The following SLC25A37 variants were observed in gnomAD, a reference collection of about 807,000 sequenced individuals.
SLC25A37 encodes mitoferrin-1.
In SLC25A37, 17 loss-of-function variants were observed where a neutral mutation model predicts 31.0. The ratio of observed to expected loss-of-function variants is 0.55; its 90% CI spans 0.38 to 0.82. The LOEUF is 0.82. SLC25A37 is among the 40% of genes least tolerant of loss of function. SLC25A37 has a pLI of 0.00. For synonymous variants in SLC25A37, 222 were observed against 193.0 expected, an observed-to-expected ratio of 1.15 and a Z score of -1.24; for missense variants, 404 against 465.8, an observed-to-expected ratio of 0.87 and a Z score of 1.22.
chr8:23,542,520 C>G (rs1041670961), intron 1 of SLC25A37, among the ~76,000 whole-genome samples: 3 of 151,752 alleles, frequency 2.0e-5, no homozygotes, highest in African/African-American at 7.3e-5. Context: ...GCTGAGATTA[C>G]AGGCATGCAC....
At chr8:23,544,646 A>G (rs79445563) in intron 1 of SLC25A37, among the ~76,000 whole-genome samples, 1 of 152,158 alleles carries the variant, frequency 6.6e-6, no homozygotes, top group South Asian at 2.1e-4. Flanking sequence ...CAGTATCTCT[A>G]TCTAGACCTG....
intron 1 of SLC25A37, among the ~76,000 whole-genome samples, chr8:23,554,034 C>T (rs1456484606): frequency 2.3e-5 from 3 of 130,440 alleles, no homozygotes; most frequent in Admixed American, 7.5e-5. Context: ...GATCCTTTAG[C>T]GTCCATCCCT....
chr8:23,571,990 A>G lies in SLC25A37; in HGVS notation c.*135A>G. On this transcript the variant is annotated 3_prime_UTR_variant, in exon 4 of 4. Coordinates refer to ENST00000519973, the MANE Select transcript of SLC25A37 (RefSeq NM_016612.4). ...CCCTCTGCTCCCCAATGCCTTAGAGAGAGGAGGGGACGGCACGGCCGCTCA... is the reference window on the plus strand; with the variant it reads ...CCCTCTGCTCCCCAATGCCTTAGAGGGAGGAGGGGACGGCACGGCCGCTCA... 1 of 1,006,514 alleles carries G rather than the reference A, an allele frequency of 9.9e-7. No individual in the cohort carries two copies. Among genetic ancestry groups the G allele is most frequent in the Non-Finnish European group, 1.4e-6 (1 of 693,938 alleles). The allele number at this position is 1,006,514 out of a possible 1,614,324, so 62.3% of individuals were successfully genotyped here. A position where few individuals can be genotyped will look rare whatever the true frequency, so the allele number is the denominator to read the frequency against.
intron 1 of SLC25A37, among the ~76,000 whole-genome samples, chr8:23,562,338 G>A (rs1236138385): frequency 1.3e-5 from 2 of 152,160 alleles, no homozygotes; most frequent in Non-Finnish European, 2.9e-5. Flanking sequence ...TTGCATTGAT[G>A]TGAAAAGGTC....
intron 1 of SLC25A37, among the ~76,000 whole-genome samples, chr8:23,546,316 G>A (rs28366418): frequency 0.37 from 56,301 of 150,928 alleles, 12,058 homozygotes; most frequent in East Asian, 0.61. Flanking sequence ...ATATTAAAAT[G>A]AATAAATAAA....
intron 1 of SLC25A37, among the ~76,000 whole-genome samples, chr8:23,564,683 C>G (rs1802604140): frequency 6.6e-6 from 1 of 152,132 alleles, no homozygotes; most frequent in African/African-American, 2.4e-5. Context: ...TGTGTAAAGT[C>G]TACTTGGGTT....
intron 1 of SLC25A37, among the ~76,000 whole-genome samples, chr8:23,557,405 A>G (rs919197634): frequency 3.9e-5 from 6 of 152,194 alleles, no homozygotes; most frequent in African/African-American, 9.7e-5. Context: ...AAGGTGAGAC[A>G]GGGCTTTCCA....
At chr8:23,547,490 G>A (rs1445074339) in intron 1 of SLC25A37, among the ~76,000 whole-genome samples, 2 of 152,176 alleles carry the variant, frequency 1.3e-5, no homozygotes, top group Non-Finnish European at 1.5e-5. Flanking sequence ...TGTCAAGATT[G>A]AACTAACACT....
rs142151605 is a variant in SLC25A37 at position 23,568,500 on chromosome 8, A to C, written c.496+122A>C. The C allele has an allele frequency of 2.1e-4, 224 of 1,072,258 alleles. 1 individual carries two copies. The East Asian group carries it at 5.3e-3, about 25-fold the overall frequency. The allele number at this position is 1,072,258 out of a possible 1,614,324, so 66.4% of individuals were successfully genotyped here. A position where few individuals can be genotyped will look rare whatever the true frequency, so the allele number is the denominator to read the frequency against. The stretch of plus-strand genomic sequence containing the variant: ...GCGGCTCCTAGTCTCCAGTCAGAGC[A>C]GACAGGAGAATTGAATTTTTTACTA... On this transcript the variant is annotated intron_variant, in intron 3 of 3. Transcript: ENST00000519973.
chr8:23,573,208 C>G lies in SLC25A37; in HGVS notation c.*1353C>G, dbSNP rs1167980083. The G allele has an allele frequency of 1.3e-5, 2 of 152,528 alleles. No individual in the cohort carries two copies. Among genetic ancestry groups the G allele is most frequent in the African/African-American group, 4.8e-5 (2 of 41,440 alleles). The allele number at this position is 152,528 out of a possible 1,614,324, so 9.4% of individuals were successfully genotyped here. ...GACCCTCATGCCCGAGTCGGAAGAC[C>G]CCTCTCCAGAAGCCATTCTGCATCC... On this transcript the variant is annotated 3_prime_UTR_variant, in exon 4 of 4. Coordinates refer to ENST00000519973, the MANE Select transcript of SLC25A37 (RefSeq NM_016612.4).
intron 1 of SLC25A37, among the ~76,000 whole-genome samples, chr8:23,551,808 G>A (rs1158018155): frequency 6.6e-6 from 1 of 152,174 alleles, no homozygotes; most frequent in Non-Finnish European, 1.5e-5. Flanking sequence ...CTCCAAGCCT[G>A]TCCTTCCAGC....
In SLC25A37 at chr8:23,543,700, A is replaced by G. The variant is rs538694894; in HGVS notation, c.210+14488A>G. On this transcript the variant is annotated intron_variant, in intron 1 of 3. Coordinates refer to ENST00000519973, the MANE Select transcript of SLC25A37 (RefSeq NM_016612.4). Reference sequence around the variant, plus strand: ...CAGGCGCCTGCCACCACGCCCAGCTAAATTTTGTATTTTTAGTAGAGATGG... The same window carrying G: ...CAGGCGCCTGCCACCACGCCCAGCTGAATTTTGTATTTTTAGTAGAGATGG... Among the ~76,000 whole-genome samples, 286 of 151,162 alleles carry G rather than the reference A, an allele frequency of 1.9e-3. 1 individual carries two copies. The Middle Eastern group carries it at 0.021, about 11-fold the overall frequency.
chr8:23,536,320 T>A (rs985507968), intron 1 of SLC25A37, among the ~76,000 whole-genome samples: 2 of 152,144 alleles, frequency 1.3e-5, no homozygotes, highest in Non-Finnish European at 2.9e-5. Context: ...CTGAAAGAAC[T>A]ATTGACACTG....
intron 1 of SLC25A37, among the ~76,000 whole-genome samples, chr8:23,548,506 G>GC (rs1310040557): frequency 4.6e-4 from 49 of 107,174 alleles, no homozygotes; most frequent in African/African-American, 8.8e-4. Context: ...TAGACTTGTT[G>GC]CCCCCCCAGG....
chr8:23,558,268 C>T (rs908324232), intron 1 of SLC25A37, among the ~76,000 whole-genome samples: 1 of 152,188 alleles, frequency 6.6e-6, no homozygotes, highest in African/African-American at 2.4e-5. Context: ...GTGGCATGAC[C>T]TCTGCAGGAC....
At chr8:23,561,991 A>C (rs1372835949) in intron 1 of SLC25A37, among the ~76,000 whole-genome samples, 1 of 152,166 alleles carries the variant, frequency 6.6e-6, no homozygotes, top group Non-Finnish European at 1.5e-5. Flanking sequence ...GTGCGATCTC[A>C]GTAGCCAGTT....
intron 1 of SLC25A37, among the ~76,000 whole-genome samples, chr8:23,548,632 G>A (rs574412624): frequency 6.6e-6 from 1 of 151,940 alleles, no homozygotes; most frequent in South Asian, 2.1e-4. Flanking sequence ...CACCACACCC[G>A]GCTGATTTTA....
rs1303461834 is a variant in SLC25A37 at position 23,572,791 on chromosome 8, G to T, written c.*936G>T. On this transcript the variant is annotated 3_prime_UTR_variant, in exon 4 of 4. Transcript: ENST00000519973. The stretch of plus-strand genomic sequence containing the variant: ...GCCCGCTGGAGGGTGGTGGAGCCCA[G>T]TAGAATTGGGGTGACTGGGCATAAA... 2.0e-5 allele frequency: 3 copies of T among 152,204 alleles called. No individual in the cohort carries two copies. Among genetic ancestry groups the T allele is most frequent in the African/African-American group, 7.2e-5 (3 of 41,402 alleles). The allele number at this position is 152,204 out of a possible 1,614,324, so 9.4% of individuals were successfully genotyped here. A position where few individuals can be genotyped will look rare whatever the true frequency, so the allele number is the denominator to read the frequency against.
intron 1 of SLC25A37, among the ~76,000 whole-genome samples, chr8:23,559,118 T>G (rs749866561): frequency 6.6e-6 from 1 of 152,200 alleles, no homozygotes; most frequent in Non-Finnish European, 1.5e-5. Context: ...GACAGAGGTT[T>G]AGGAAGTGCC....
Sources: gnomAD v4.1 joint callset for allele counts (sites outside exome capture counted in the v4.1 genomes callset) on GRCh38, gnomAD v4.1.1 for gene constraint, MANE v1.5 for transcripts, NCBI Gene and HGNC (gene_info 2026-07-23, HGNC 2026-07-21) for gene names.